ARHGAP10: variants seen among roughly 807,000 people sequenced by gnomAD.
The protein encoded by ARHGAP10 is rho GTPase-activating protein 10.
A neutral mutation model predicts 108.6 loss-of-function variants in ARHGAP10; 87 were observed. The ratio of observed to expected loss-of-function variants is 0.80; its 90% CI spans 0.67 to 0.96. ARHGAP10 has a LOEUF of 0.96. Among genes scored for constraint, ARHGAP10 ranks in the 40% least tolerant of loss-of-function variants. The pLI is 0.00. For synonymous variants in ARHGAP10, 347 were observed against 341.1 expected (o/e 1.02, Z -0.19); for missense variants, 939 against 954.5 (o/e 0.98, Z 0.21).
At chr4:147,924,239 C>T (rs1468744928) in intron 13 of ARHGAP10, among the ~76,000 whole-genome samples, 1 of 152,184 alleles carries the variant, frequency 6.6e-6, no homozygotes. Flanking sequence ...CATCCTTCCT[C>T]TGAGACGGCG....
chr4:148,017,519 G>T (rs1741390974), intron 18 of ARHGAP10, among the ~76,000 whole-genome samples: 1 of 151,734 alleles, frequency 6.6e-6, no homozygotes, highest in South Asian at 2.1e-4. Context: ...AGCCAGGAAG[G>T]CCAGCTCTTT....
At chr4:147,920,308 T>G (rs1480830975) in intron 13 of ARHGAP10, among the ~76,000 whole-genome samples, 1 of 151,872 alleles carries the variant, frequency 6.6e-6, no homozygotes, top group African/African-American at 2.4e-5. Flanking sequence ...TCCCAGCTGC[T>G]TGGGAGGCTG....
chr4:148,062,042 G>GAGGTGGGAATGCCAGGAGGCA, intron 20 of ARHGAP10, among the ~76,000 whole-genome samples: 1 of 152,316 alleles, frequency 6.6e-6, no homozygotes, highest in South Asian at 2.1e-4. Flanking sequence ...AGCTTGAGGC[G>GAGGTGGGAATGCCAGGAGGCA]GAGGTGGGAA....
chr4:147,885,997 T>C (rs570009710), intron 10 of ARHGAP10, among the ~76,000 whole-genome samples: 1 of 152,322 alleles, frequency 6.6e-6, no homozygotes, highest in East Asian at 1.9e-4. Context: ...CCTCATGTGA[T>C]GGGTTGTAGT....
chr4:147,968,125 C>G (rs1739272501), intron 18 of ARHGAP10, among the ~76,000 whole-genome samples: 1 of 152,132 alleles, frequency 6.6e-6, no homozygotes, highest in African/African-American at 2.4e-5. Flanking sequence ...GGTGTCTATT[C>G]AGTTTAGCTG....
At position 147,921,225 on chromosome 4, in the gene ARHGAP10, C is replaced by T. The variant is rs140556720; in HGVS notation, c.1228+8086C>T. Among the ~76,000 whole-genome samples, 21 of 152,252 alleles carry T rather than the reference C, an allele frequency of 1.4e-4. No individual in the cohort carries two copies. The East Asian group carries it at 3.7e-3, about 27-fold the overall frequency. On this transcript the variant is annotated intron_variant, in intron 13 of 22. Transcript: ENST00000336498. ...TTGTATATAGAGGATAGGAATTCTGCAAGGAATTTTACCTTGAAGTGTTAG... is the reference window on the plus strand; with the variant it reads ...TTGTATATAGAGGATAGGAATTCTGTAAGGAATTTTACCTTGAAGTGTTAG...
At chr4:147,759,364 T>C (rs1056649502) in intron 1 of ARHGAP10, among the ~76,000 whole-genome samples, 1 of 152,220 alleles carries the variant, frequency 6.6e-6, no homozygotes, top group Non-Finnish European at 1.5e-5. Flanking sequence ...AATACAAATA[T>C]AATGCAAGGC....
intron 3 of ARHGAP10, among the ~76,000 whole-genome samples, chr4:147,826,834 G>A (rs986401516): frequency 2.2e-4 from 34 of 152,044 alleles, no homozygotes; most frequent in African/African-American, 7.5e-4. Context: ...GAAAAGTTAG[G>A]TCATATTCAA....
rs1728687346 is a variant in ARHGAP10, at chr4:147,741,851, G to T, written c.154+9396G>T. ...ACACCAGGCGCTTTGCATTCTAAAG[G>T]CAGGCATCTCTGTAAACTCTGAGAT... is the stretch of plus-strand genomic sequence containing the variant. On this transcript the variant is annotated intron_variant, in intron 1 of 22. Transcript: ENST00000336498. Among the ~76,000 whole-genome samples, 3 of 149,238 alleles carry T rather than the reference G, an allele frequency of 2.0e-5. No homozygotes were observed. The South Asian group carries it at 6.3e-4, about 31-fold the overall frequency.
chr4:147,870,067 G>C (rs1397770581), intron 7 of ARHGAP10, among the ~76,000 whole-genome samples: 1 of 151,410 alleles, frequency 6.6e-6, no homozygotes, highest in African/African-American at 2.4e-5. Context: ...GTTTGTTTGA[G>C]AGGGAGTCTC....
intron 3 of ARHGAP10, among the ~76,000 whole-genome samples, chr4:147,838,708 A>G (rs1394942402): frequency 1.3e-5 from 2 of 152,140 alleles, no homozygotes; most frequent in African/African-American, 4.8e-5. Context: ...AATTTTCTGT[A>G]TTCTTTATAG....
At chr4:148,049,010 A>T (rs35038176) in intron 20 of ARHGAP10, among the ~76,000 whole-genome samples, 31,145 of 145,884 alleles carry the variant, frequency 0.21, 4,490 homozygotes, top group African/African-American at 0.43. Context: ...AACTTGATTT[A>T]TTTTTTTCTG....
At chr4:147,902,153 T>G (rs1736276269) in intron 10 of ARHGAP10, among the ~76,000 whole-genome samples, 1 of 152,254 alleles carries the variant, frequency 6.6e-6, no homozygotes. Flanking sequence ...GAAGCACTTC[T>G]GGAATATTTC....
In ARHGAP10 at chr4:147,894,325, T is replaced by A. The variant is rs540818341; in HGVS notation, c.1035-12313T>A. ...ATTTTGACTAGAGATGTTGAGCACTTCTTCCTGTGCTTATTGGCCATTTAT... is the reference window on the plus strand; with the variant it reads ...ATTTTGACTAGAGATGTTGAGCACTACTTCCTGTGCTTATTGGCCATTTAT... On this transcript the variant is annotated intron_variant, in intron 10 of 22. Transcript: ENST00000336498. 2.0e-5 allele frequency among the ~76,000 whole-genome samples: 3 copies of A among 152,354 alleles called. No homozygotes were observed. In the South Asian group the frequency reaches 6.2e-4, roughly 32 times the overall value.
chr4:147,850,342 C>T (rs1461881999), intron 4 of ARHGAP10, among the ~76,000 whole-genome samples: 1 of 152,222 alleles, frequency 6.6e-6, no homozygotes, highest in African/African-American at 2.4e-5. Flanking sequence ...GGTCCCTTCC[C>T]ATGCTGTGGA....
intron 1 of ARHGAP10, among the ~76,000 whole-genome samples, chr4:147,743,776 T>G (rs1728793942): frequency 6.6e-6 from 1 of 151,938 alleles, no homozygotes; most frequent in African/African-American, 2.4e-5. Context: ...AAACTCCTTC[T>G]CAAAAAAATA....
At chr4:147,909,428 G>A (rs180753889) in intron 11 of ARHGAP10, among the ~76,000 whole-genome samples, 1 of 152,282 alleles carries the variant, frequency 6.6e-6, no homozygotes, top group African/African-American at 2.4e-5. Context: ...GTGGTATTCA[G>A]CCCCATCCTG....
intron 13 of ARHGAP10, among the ~76,000 whole-genome samples, chr4:147,929,266 G>A (rs1737577915): frequency 6.6e-6 from 1 of 152,040 alleles, no homozygotes; most frequent in Admixed American, 6.6e-5. Flanking sequence ...TACAAATAAT[G>A]CATTCTTTTC....
chr4:147,879,123 C>T (rs1579152195), intron 8 of ARHGAP10, 109 bp from the exon 9 acceptor site: 2 of 778,800 alleles, frequency 2.6e-6, no homozygotes, highest in Non-Finnish European at 4.1e-6. Context: ...ATTGATTCAG[C>T]TGTATTCGTT....
Sources: gnomAD v4.1 joint callset for allele counts (sites outside exome capture counted in the v4.1 genomes callset) on GRCh38, gnomAD v4.1.1 for gene constraint, MANE v1.5 for transcripts, NCBI Gene and HGNC (gene_info 2026-07-23, HGNC 2026-07-21) for gene names.